DGKH: variants seen among roughly 807,000 people sequenced by gnomAD.
The protein encoded by DGKH is diacylglycerol kinase eta.
A neutral mutation model predicts 159.3 loss-of-function variants in DGKH; 90 were observed. That is an observed-to-expected ratio of 0.57 (90% CI 0.48 to 0.67). The LOEUF (loss-of-function observed/expected upper bound fraction) is 0.67. Among genes scored for constraint, DGKH ranks in the 30% least tolerant of loss-of-function variants. DGKH has a pLI of 0.00. For synonymous variants in DGKH, 536 were observed against 553.8 expected, an observed-to-expected ratio of 0.97 and a Z score of 0.45; for missense variants, 1,181 against 1,506.1, an observed-to-expected ratio of 0.78 and a Z score of 3.57.
In DGKH at chr13:42,235,078, T is replaced by G. The variant is rs1398760877; in HGVS notation, c.*5890T>G. The G allele has an allele frequency of 6.6e-6, 1 of 152,206 alleles. No individual in the cohort carries two copies. The highest frequency in any genetic ancestry group is 1.5e-5 in the Non-Finnish European group (1 of 68,026). The allele number at this position is 152,206 out of a possible 1,614,324, so 9.4% of individuals were successfully genotyped here. On this transcript the variant is annotated 3_prime_UTR_variant, in exon 30 of 30. Coordinates refer to ENST00000337343, the MANE Select transcript of DGKH (RefSeq NM_178009.5). ...ACAGAGAGATCAAAGACAGCTGGAC[T>G]GTACCTGTTTGTGTAATTATTTCTG...
rs1957572983 is a variant in DGKH at position 42,208,985 on chromosome 13, C to T, written c.2628C>T (p.Asp876=). ...TATTTGCTGCACCATCCTTTGATGA[C>T]AAGATCCTGGAAGTTGTAGCAATAT... The part of the protein sequence containing the change: ...DDIFAAPSFD[D]KILEVVAIFD... Residue 876 remains aspartate (D), a synonymous_variant, in exon 22 of 30, where the codon GAC becomes GAT. Transcript: ENST00000337343. The T allele has an allele frequency of 1.2e-6, 2 of 1,611,622 alleles. No homozygotes were observed. The highest frequency in any genetic ancestry group is 1.3e-5 in the African/African-American group (1 of 74,892).
chr13:42,222,110 G>A (rs1185047504), intron 29 of DGKH, among the ~76,000 whole-genome samples: 1 of 152,218 alleles, frequency 6.6e-6, no homozygotes, highest in African/African-American at 2.4e-5. Flanking sequence ...TTCTGTGGGT[G>A]AAGTCTCAGT....
chr13:42,178,996 G>A (rs929436633), intron 13 of DGKH, among the ~76,000 whole-genome samples: 12 of 152,212 alleles, frequency 7.9e-5, no homozygotes, highest in South Asian at 4.1e-4. Flanking sequence ...GGTATATTAT[G>A]TACTTAATTC....
chr13:42,040,238 C>G (rs911217858), intron 1 of DGKH: 1 of 152,168 alleles, frequency 6.6e-6, no homozygotes, highest in African/African-American at 2.4e-5. Flanking sequence ...CACCGGGAGA[C>G]GGCGAGAGCG....
chr13:42,201,305 G>A (rs1471056760), intron 20 of DGKH, among the ~76,000 whole-genome samples: 1 of 152,094 alleles, frequency 6.6e-6, no homozygotes, highest in Non-Finnish European at 1.5e-5. Context: ...CACACCCAAG[G>A]ACACATAGGA....
intron 3 of DGKH, among the ~76,000 whole-genome samples, chr13:42,142,052 C>T (rs990941428): frequency 2.6e-5 from 4 of 151,016 alleles, no homozygotes; most frequent in African/African-American, 9.8e-5. Flanking sequence ...GTCTTTAATC[C>T]ATCTTGAATT....
chr13:42,129,888 C>T (rs977509435), intron 3 of DGKH, among the ~76,000 whole-genome samples: 2 of 152,096 alleles, frequency 1.3e-5, no homozygotes, highest in Non-Finnish European at 2.9e-5. Flanking sequence ...AAGTTTTTCA[C>T]CTCCTCTAAA....
intron 28 of DGKH, among the ~76,000 whole-genome samples, chr13:42,220,936 T>C (rs1957952943): frequency 6.6e-6 from 1 of 152,202 alleles, no homozygotes; most frequent in Non-Finnish European, 1.5e-5. Context: ...TCAGAGCTTA[T>C]TTAGAGCTTG....
rs1320897906 is a variant in DGKH at position 42,209,308 on chromosome 13, T to C, written c.2716-23T>C. 1.9e-6 allele frequency: 3 copies of C among 1,596,930 alleles called. No homozygotes were observed. In the East Asian group the frequency reaches 6.7e-5, roughly 36 times the overall value. On this transcript the variant is annotated intron_variant, in intron 22 of 29. Transcript: ENST00000337343. Reference sequence around the variant, plus strand: ...CATTTTCTCTGGATGATTTGTACTCTAAAATGATTTGTTTTATTTCAGTGC... The same window carrying C: ...CATTTTCTCTGGATGATTTGTACTCCAAAATGATTTGTTTTATTTCAGTGC...
intron 1 of DGKH, among the ~76,000 whole-genome samples, chr13:42,049,975 G>GTT (rs1881150128): frequency 6.6e-6 from 1 of 152,168 alleles, no homozygotes; most frequent in African/African-American, 2.4e-5. Flanking sequence ...TTGGGGTACC[G>GTT]TTTTTAAAAA....
At chr13:42,103,126 A>G (rs948979664) in intron 1 of DGKH, among the ~76,000 whole-genome samples, 1 of 152,116 alleles carries the variant, frequency 6.6e-6, no homozygotes, top group Non-Finnish European at 1.5e-5. Flanking sequence ...AGATTGTTGT[A>G]TATTTATTTG....
chr13:42,195,859 G>A (rs935236622), intron 17 of DGKH: 11 of 152,140 alleles, frequency 7.2e-5, no homozygotes, highest in East Asian at 5.8e-4. Flanking sequence ...GGACACTATC[G>A]AGAAAGTGAA....
intron 1 of DGKH, among the ~76,000 whole-genome samples, chr13:42,113,912 G>A (rs1191368946): frequency 1.3e-5 from 2 of 152,128 alleles, no homozygotes; most frequent in African/African-American, 4.8e-5. Flanking sequence ...GGTAAAACAT[G>A]GGTCTGTGTG....
chr13:42,094,265 T>A (rs189897572), intron 1 of DGKH, among the ~76,000 whole-genome samples: 15 of 152,254 alleles, frequency 9.9e-5, no homozygotes, highest in Admixed American at 8.5e-4. Flanking sequence ...ACTTAAAGTA[T>A]AATAATAAAA....
At chr13:42,192,183 T>A (rs1214880173) in intron 16 of DGKH, among the ~76,000 whole-genome samples, 4 of 152,134 alleles carry the variant, frequency 2.6e-5, no homozygotes, top group Non-Finnish European at 5.9e-5. Context: ...CTTGAGACTC[T>A]TAAAAACTTT....
chr13:42,119,125 C>T (rs1400091921), intron 1 of DGKH, among the ~76,000 whole-genome samples: 1 of 152,146 alleles, frequency 6.6e-6, no homozygotes, highest in Non-Finnish European at 1.5e-5. Flanking sequence ...TGGGTGACAC[C>T]AGATGCTACG....
chr13:42,160,390 T>C (rs1004235099), intron 7 of DGKH, among the ~76,000 whole-genome samples: 15 of 152,220 alleles, frequency 9.9e-5, no homozygotes, highest in Non-Finnish European at 1.8e-4. Flanking sequence ...TTGTATTGTT[T>C]TTTCATTTTG....
chr13:42,081,503 T>G (rs1435759399), intron 1 of DGKH, among the ~76,000 whole-genome samples: 1 of 152,246 alleles, frequency 6.6e-6, no homozygotes, highest in Non-Finnish European at 1.5e-5. Context: ...GTGCTGAGAT[T>G]ACAGGTGTGA....
At chr13:42,040,651 G>T (rs1170416296) in intron 1 of DGKH, among the ~76,000 whole-genome samples, 3 of 151,422 alleles carry the variant, frequency 2.0e-5, no homozygotes, top group Non-Finnish European at 4.4e-5. Context: ...GGACCGTGGA[G>T]AAGGAGGAGG....
Sources: gnomAD v4.1 joint callset for allele counts (sites outside exome capture counted in the v4.1 genomes callset) on GRCh38, gnomAD v4.1.1 for gene constraint, MANE v1.5 for transcripts, NCBI Gene and HGNC (gene_info 2026-07-23, HGNC 2026-07-21) for gene names.